The following GABRG3 variants were observed in gnomAD, a reference collection of about 807,000 sequenced individuals.
GABRG3 encodes the protein gamma-aminobutyric acid receptor subunit gamma-3.
Under a neutral mutation model 48.8 loss-of-function variants are expected in GABRG3, and 25 were observed. That is an observed-to-expected ratio of 0.51 (90% CI 0.37 to 0.72). GABRG3 has a LOEUF of 0.72. GABRG3 is among the 30% of genes least tolerant of loss of function. The probability of loss-of-function intolerance (pLI) is 0.00; values close to 1 mark genes in which losing one functional copy is unlikely to be tolerated. For missense variants in GABRG3, 394 were observed against 577.9 expected, an observed-to-expected ratio of 0.68 and a Z score of 3.26; for synonymous variants, 227 against 217.6, an observed-to-expected ratio of 1.04 and a Z score of -0.38.
chr15:27,530,573 G>C (rs564684338), intron 9 of GABRG3: 2 of 464,052 alleles, frequency 4.3e-6, no homozygotes, highest in Admixed American at 2.4e-5. Context: ...GTGTTTTTTG[G>C]CTCCCTAAAT....
At chr15:27,269,408 G>T (rs577571905) in intron 3 of GABRG3, among the ~76,000 whole-genome samples, 38 of 152,278 alleles carry the variant, frequency 2.5e-4, no homozygotes, top group African/African-American at 8.9e-4. Flanking sequence ...TGTGTGTGCT[G>T]TTCTTTTCCT....
chr15:26,983,442 C>T (rs1463267882), intron 2 of GABRG3, among the ~76,000 whole-genome samples: 1 of 152,064 alleles, frequency 6.6e-6, no homozygotes, highest in Non-Finnish European at 1.5e-5. Context: ...CCACTTTGGT[C>T]TAAATTAACC....
intron 3 of GABRG3, among the ~76,000 whole-genome samples, chr15:27,050,249 G>A (rs1359856766): frequency 6.6e-6 from 1 of 152,204 alleles, no homozygotes; most frequent in Non-Finnish European, 1.5e-5. Context: ...TTTACTTCCT[G>A]TATGAAGGAA....
intron 6 of GABRG3, among the ~76,000 whole-genome samples, chr15:27,518,450 G>A (rs912280229): frequency 5.9e-5 from 9 of 151,582 alleles, no homozygotes; most frequent in Non-Finnish European, 1.2e-4. Flanking sequence ...AGCCAACGTT[G>A]GTAAACAAGA....
At chr15:27,439,946 G>A (rs953016822) in intron 5 of GABRG3, among the ~76,000 whole-genome samples, 7 of 152,164 alleles carry the variant, frequency 4.6e-5, no homozygotes. Flanking sequence ...CTCACTGCAT[G>A]TGTTAGACCT....
chr15:27,069,740 G>A (rs1444231646), intron 3 of GABRG3, among the ~76,000 whole-genome samples: 2 of 152,208 alleles, frequency 1.3e-5, no homozygotes, highest in East Asian at 1.9e-4. Flanking sequence ...GTATTATCAG[G>A]AAAAGTAGAA....
At chr15:27,506,204 G>A (rs1210289046) in intron 6 of GABRG3, among the ~76,000 whole-genome samples, 1 of 152,150 alleles carries the variant, frequency 6.6e-6, no homozygotes, top group African/African-American at 2.4e-5. Flanking sequence ...TTTCCCACCT[G>A]CTACATAATC....
intron 3 of GABRG3, among the ~76,000 whole-genome samples, chr15:27,037,433 G>C (rs1235253318): frequency 6.6e-6 from 1 of 152,236 alleles, no homozygotes; most frequent in Non-Finnish European, 1.5e-5. Flanking sequence ...TTAGGTCAGA[G>C]GCACTCTGTC....
intron 5 of GABRG3, among the ~76,000 whole-genome samples, chr15:27,465,844 G>A (rs1017972910): frequency 6.6e-6 from 1 of 152,102 alleles, no homozygotes; most frequent in Non-Finnish European, 1.5e-5. Flanking sequence ...ATATTTACTG[G>A]CACTCTGCAT....
At position 27,222,206 on chromosome 15, in the gene GABRG3, GAGTC is replaced by G. The variant is rs147245741; in HGVS notation, c.271-104600_271-104597del. On this transcript the variant is annotated intron_variant, in intron 3 of 9. Transcript: ENST00000615808. ...CACCCCTCTCCTCTTTCACAGTTGAGAGTCAGCAGCTAGAGACGTCCCAGCCAGC... is the reference window on the plus strand; with the variant it reads ...CACCCCTCTCCTCTTTCACAGTTGAGAGCAGCTAGAGACGTCCCAGCCAGC... Among the ~76,000 whole-genome samples the G allele has an allele frequency of 4.0e-4, 61 of 152,302 alleles. No homozygotes were observed. The East Asian group carries it at 0.011, about 28-fold the overall frequency.
At chr15:27,289,458 AAAT>A (rs1891727236) in intron 3 of GABRG3, among the ~76,000 whole-genome samples, 1 of 152,170 alleles carries the variant, frequency 6.6e-6, no homozygotes, top group Non-Finnish European at 1.5e-5. Flanking sequence ...GAATATGACA[AAAT>A]AATCTTAACT....
intron 5 of GABRG3, among the ~76,000 whole-genome samples, chr15:27,377,040 C>T (rs910850191): frequency 1.3e-5 from 2 of 152,066 alleles, no homozygotes; most frequent in African/African-American, 4.8e-5. Flanking sequence ...CACCAGATAC[C>T]CTAAATAATC....
chr15:27,096,542 A>T (rs1897267810), intron 3 of GABRG3, among the ~76,000 whole-genome samples: 1 of 152,272 alleles, frequency 6.6e-6, no homozygotes, highest in African/African-American at 2.4e-5. Flanking sequence ...GCATGAAATT[A>T]GAACCAGCAT....
At chr15:27,373,913 T>C (rs1164206453) in intron 5 of GABRG3, among the ~76,000 whole-genome samples, 1 of 152,092 alleles carries the variant, frequency 6.6e-6, no homozygotes, top group Non-Finnish European at 1.5e-5. Flanking sequence ...TTGGCCACAA[T>C]CTCCATGTAA....
intron 5 of GABRG3, among the ~76,000 whole-genome samples, chr15:27,466,004 A>G (rs1425146668): frequency 1.3e-5 from 2 of 152,156 alleles, no homozygotes; most frequent in Non-Finnish European, 2.9e-5. Context: ...GCCCCAAGAG[A>G]TTGAGTGGGT....
chr15:27,288,681 C>G (rs1891697430), intron 3 of GABRG3, among the ~76,000 whole-genome samples: 1 of 150,626 alleles, frequency 6.6e-6, no homozygotes, highest in African/African-American at 2.4e-5. Context: ...CCATTGCACT[C>G]CAGCCTGGGC....
intron 3 of GABRG3, among the ~76,000 whole-genome samples, chr15:27,296,955 C>T (rs939542395): frequency 6.6e-6 from 1 of 151,578 alleles, no homozygotes; most frequent in African/African-American, 2.4e-5. Context: ...TGCTATTGCC[C>T]CTGAAAACCT....
rs905211171 is a variant in GABRG3 at position 27,489,281 on chromosome 15, A to G, written c.712+8494A>G. Among the ~76,000 whole-genome samples the G allele has an allele frequency of 1.1e-4, 17 of 152,200 alleles. 1 individual carries two copies. Among genetic ancestry groups the G allele is most frequent in the African/African-American group, 4.1e-4 (17 of 41,538 alleles). On this transcript the variant is annotated intron_variant, in intron 6 of 9. Transcript: ENST00000615808. ...ATTTTCTTTATCCAGTCTATCATTG[A>G]TGGGCATTTGGGTTGGTTCCAAGTC...
rs916920337 is a variant in GABRG3 at position 27,420,525 on chromosome 15, C to T, written c.575-60125C>T. Among the ~76,000 whole-genome samples, 3 of 152,116 alleles carry T rather than the reference C, an allele frequency of 2.0e-5. No homozygotes were observed. In the East Asian group the frequency reaches 5.8e-4, roughly 29 times the overall value. ...CCGGGAATTTGCTAAGAGAGTAGAT[C>T]TTAAGAGTTCTCACCGCACACACAA... is the stretch of plus-strand genomic sequence containing the variant. On this transcript the variant is annotated intron_variant, in intron 5 of 9. Coordinates refer to ENST00000615808, the MANE Select transcript of GABRG3 (RefSeq NM_033223.5).
Sources: allele counts gnomAD v4.1 joint callset (sites outside exome capture counted in the v4.1 genomes callset), GRCh38; gene constraint gnomAD v4.1.1; transcripts MANE v1.5; gene names NCBI Gene and HGNC (gene_info 2026-07-23, HGNC 2026-07-21).